The following DDC variants were observed in gnomAD, a reference collection of about 807,000 sequenced individuals.
DDC encodes dopa decarboxylase.
Under a neutral mutation model 60.0 loss-of-function variants are expected in DDC, and 43 were observed. The ratio of observed to expected loss-of-function variants is 0.72; its 90% CI spans 0.56 to 0.92. The LOEUF (loss-of-function observed/expected upper bound fraction) is 0.92, where lower values mean the gene tolerates loss of function less well. Ranked by LOEUF, DDC falls within the 40% of genes least tolerant of loss-of-function variation. The probability of loss-of-function intolerance (pLI) is 0.00; values close to 1 mark genes in which losing one functional copy is unlikely to be tolerated. For synonymous variants in DDC, 232 were observed against 234.6 expected (o/e 0.99, Z 0.10); for missense variants, 573 against 620.2 (o/e 0.92, Z 0.81).
intron 2 of DDC, among the ~76,000 whole-genome samples, chr7:50,541,683 A>G (rs117755663): frequency 0.011 from 1,610 of 152,304 alleles, 15 homozygotes; most frequent in Middle Eastern, 0.02. Context: ...TCCTGTCTCT[A>G]GAACTGTGAG....
chr7:50,467,140 A>G lies in DDC; in HGVS notation c.1242+74T>C. On this transcript the variant is annotated intron_variant, in intron 13 of 14. Transcript: ENST00000444124. ...GGAGAGCCAGTGCCAGTGTTTGAGC[A>G]TGGAGGTAATGAACAACACTTTCCC... The G allele has an allele frequency of 2.3e-6, 3 of 1,300,754 alleles. No individual in the cohort carries two copies. In the South Asian group the frequency reaches 3.5e-5, roughly 15 times the overall value. The allele number at this position is 1,300,754 out of a possible 1,614,324, so 80.6% of individuals were successfully genotyped here.
At chr7:50,527,975 C>A in intron 6 of DDC, 162 bp downstream of exon 6, 1 of 717,000 alleles carries the variant, frequency 1.4e-6, no homozygotes, top group South Asian at 1.9e-5. Flanking sequence ...CGGCTCACTG[C>A]AACCTCCGCC....
Position 50,467,467 on chromosome 7 carries a change from G to A in DDC, c.1141-152C>T, listed in dbSNP as rs989870796. The A allele has an allele frequency of 7.3e-6, 5 of 688,880 alleles. No homozygotes were observed. In the East Asian group the frequency reaches 1.1e-4, roughly 16 times the overall value. 42.7% of individuals were successfully genotyped at this position (688,880 alleles called of 1,614,324 possible). A position where few individuals can be genotyped will look rare whatever the true frequency, so the allele number is the denominator to read the frequency against. ...TGCTTTTACCGTTCACTGACCAGCT[G>A]TTTCCAGGCAGGCTAAGAAACTCAT... On this transcript the variant is annotated intron_variant, in intron 12 of 14. Transcript: ENST00000444124.
chr7:50,529,894 C>G (rs2044149500), intron 4 of DDC, among the ~76,000 whole-genome samples: 1 of 152,098 alleles, frequency 6.6e-6, no homozygotes, highest in Admixed American at 6.5e-5. Context: ...CAGATGTGAC[C>G]ATATTTGGAG....
intron 9 of DDC, among the ~76,000 whole-genome samples, chr7:50,481,826 A>C (rs1011022818): frequency 6.6e-6 from 1 of 152,188 alleles, no homozygotes; most frequent in African/African-American, 2.4e-5. Context: ...GTATTATCTT[A>C]AATTTTATAA....
chr7:50,507,446 G>T (rs2043431093), intron 6 of DDC, among the ~76,000 whole-genome samples: 1 of 152,100 alleles, frequency 6.6e-6, no homozygotes, highest in African/African-American at 2.4e-5. Flanking sequence ...TGGCTAGGCT[G>T]GTCTCTAACT....
intron 4 of DDC, among the ~76,000 whole-genome samples, chr7:50,531,456 G>A (rs141220227): frequency 7.2e-5 from 11 of 152,032 alleles, no homozygotes; most frequent in East Asian, 5.8e-4. Context: ...CAGCTTCCCC[G>A]GCTAAATTCT....
chr7:50,459,687 C>CCCCG, intron 14 of DDC: 1 of 168,310 alleles, frequency 5.9e-6, no homozygotes, highest in East Asian at 1.8e-4. Context: ...TGCCCAGCTG[C>CCCCG]CCCGTCTGAG....
At chr7:50,494,506 A>G (rs1412415849) in intron 9 of DDC, among the ~76,000 whole-genome samples, 1 of 152,004 alleles carries the variant, frequency 6.6e-6, no homozygotes, top group Non-Finnish European at 1.5e-5. Context: ...ACTGTCTCAA[A>G]AAAAAGAAAG....
intron 9 of DDC, chr7:50,492,790 G>C: frequency 6.8e-7 from 1 of 1,465,174 alleles, no homozygotes; most frequent in East Asian, 2.6e-5. Flanking sequence ...CAGGCTGGTG[G>C]CTGAACTGAA....
At chr7:50,469,707 A>G (rs558365744) in intron 12 of DDC, among the ~76,000 whole-genome samples, 1 of 152,326 alleles carries the variant, frequency 6.6e-6, no homozygotes, top group African/African-American at 2.4e-5. Flanking sequence ...GGCCAGGTGC[A>G]GTGGCTCACA....
intron 10 of DDC, 83 bp downstream of exon 10, chr7:50,479,704 C>A (rs536353640): frequency 8.5e-7 from 1 of 1,174,228 alleles, no homozygotes; most frequent in Admixed American, 1.7e-5. Flanking sequence ...GGATGGTCTT[C>A]CCCTAACTCC....
At chr7:50,464,896 T>C (rs561623856) in intron 13 of DDC, among the ~76,000 whole-genome samples, 7 of 152,180 alleles carry the variant, frequency 4.6e-5, no homozygotes, top group South Asian at 4.1e-4. Context: ...ATGGCAGATA[T>C]GGAGGCAGAA....
At chr7:50,493,032 C>T (rs2043043022) in intron 9 of DDC, 1 of 1,559,864 alleles carries the variant, frequency 6.4e-7, no homozygotes, top group East Asian at 2.2e-5. Context: ...GCATTCATTA[C>T]ACTCCTTCTT....
chr7:50,489,426 T>C (rs903892269), intron 9 of DDC, among the ~76,000 whole-genome samples: 2 of 152,228 alleles, frequency 1.3e-5, no homozygotes, highest in African/African-American at 4.8e-5. Flanking sequence ...AACTGAGATT[T>C]AAAAAATTAA....
At chr7:50,480,570 C>G (rs1193249422) in intron 9 of DDC, among the ~76,000 whole-genome samples, 1 of 152,118 alleles carries the variant, frequency 6.6e-6, no homozygotes. Flanking sequence ...GAAGTGGGGG[C>G]CGGCTGATGG....
At chr7:50,534,400 C>A (rs1374059483) in intron 4 of DDC, among the ~76,000 whole-genome samples, 2 of 152,150 alleles carry the variant, frequency 1.3e-5, no homozygotes, top group African/African-American at 4.8e-5. Flanking sequence ...AGTTTGAGAC[C>A]AGCCTGGGCA....
rs977867987 is a variant in DDC, at chr7:50,458,730, A to C, written c.*132T>G. The C allele has an allele frequency of 6.6e-6, 1 of 152,178 alleles. No individual in the cohort carries two copies. The highest frequency in any genetic ancestry group is 2.4e-5 in the African/African-American group (1 of 41,436). 9.4% of individuals were successfully genotyped at this position (152,178 alleles called of 1,614,324 possible). ...CAGACAAAATCACAACCCTCTGGAT[A>C]ACTTTGGAGAAAGACATGGGAAGCC... On this transcript the variant is annotated 3_prime_UTR_variant, in exon 15 of 15. Coordinates refer to ENST00000444124, the MANE Select transcript of DDC (RefSeq NM_001082971.2).
chr7:50,491,675 A>G (rs2043000444), intron 9 of DDC, among the ~76,000 whole-genome samples: 1 of 152,210 alleles, frequency 6.6e-6, no homozygotes. Context: ...AAATATCTCT[A>G]CAGGTAGCTA....
Sources: allele counts gnomAD v4.1 joint callset (sites outside exome capture counted in the v4.1 genomes callset), GRCh38; gene constraint gnomAD v4.1.1; transcripts MANE v1.5; gene names NCBI Gene and HGNC (gene_info 2026-07-23, HGNC 2026-07-21).